The following SYNE2 variants were observed in gnomAD, a reference collection of about 807,000 sequenced individuals.
SYNE2 encodes the protein nesprin-2.
SYNE2 carries 431 observed loss-of-function variants against 856.3 expected under a neutral mutation model. The observed-to-expected ratio is 0.50, with a 90% CI of 0.47 to 0.55. The LOEUF (loss-of-function observed/expected upper bound fraction) is 0.55. Among genes scored for constraint, SYNE2 ranks in the 20% least tolerant of loss-of-function variants. SYNE2 has a pLI of 0.00. For synonymous variants in SYNE2, 2,923 were observed against 2,872.3 expected (o/e 1.02, Z -0.56); for missense variants, 8,129 against 8,023.2 (o/e 1.01, Z -0.50).
chr14:64,188,770 C>A, intron 98 of SYNE2, 62 bp downstream of exon 98: 1 of 1,563,100 alleles, frequency 6.4e-7, no homozygotes, highest in Admixed American at 1.7e-5. Flanking sequence ...GCCCTCCTCA[C>A]TCCTAAGCCC....
rs552466346 is a variant in SYNE2, at chr14:64,095,979, C to G, written c.12109-1970C>G. 2.0e-5 allele frequency among the ~76,000 whole-genome samples: 3 copies of G among 152,248 alleles called. No individual in the cohort carries two copies. The South Asian group carries it at 6.2e-4, about 32-fold the overall frequency. On this transcript the variant is annotated intron_variant, in intron 61 of 115. Coordinates refer to ENST00000555002, the MANE Select transcript of SYNE2 (RefSeq NM_182914.3). ...GAGTCCACCCATTTTTGCCCTTCTG[C>G]TTTGTGCCGTGTGAGAACACGACAA... is the stretch of plus-strand genomic sequence containing the variant.
chr14:64,140,310 G>A (rs1482774257), intron 80 of SYNE2, among the ~76,000 whole-genome samples: 3 of 152,226 alleles, frequency 2.0e-5, no homozygotes, highest in Admixed American at 6.5e-5. Flanking sequence ...TGCGCCAGGT[G>A]CAGTGGCTCA....
intron 1 of SYNE2, among the ~76,000 whole-genome samples, chr14:63,843,546 T>C (rs1890138059): frequency 6.6e-6 from 1 of 152,210 alleles, no homozygotes; most frequent in African/African-American, 2.4e-5. Context: ...GTGGAGATAG[T>C]GAGCATCCTT....
rs957583351 is a variant in SYNE2 at position 64,039,855 on chromosome 14, A to G, written c.7222-8145A>G. ...TCAAAGAGAGGCTGTTCATTGATAG[A>G]TACTCCAGAATAGACACGGGCCCTT... On this transcript the variant is annotated intron_variant, in intron 45 of 115. Transcript: ENST00000555002. 7.9e-5 allele frequency among the ~76,000 whole-genome samples: 12 copies of G among 152,308 alleles called. No homozygotes were observed. In the South Asian group the frequency reaches 8.3e-4, roughly 11 times the overall value.
chr14:64,041,217 A>G (rs535581765), intron 45 of SYNE2, among the ~76,000 whole-genome samples: 6 of 152,200 alleles, frequency 3.9e-5, no homozygotes, highest in Non-Finnish European at 8.8e-5. Flanking sequence ...AAGAGAAAAT[A>G]TTTAAATCTT....
At chr14:63,901,763 A>C (rs1193942290) in intron 1 of SYNE2, among the ~76,000 whole-genome samples, 1 of 152,202 alleles carries the variant, frequency 6.6e-6, no homozygotes, top group Non-Finnish European at 1.5e-5. Flanking sequence ...GCCTCTACAG[A>C]AAATTTAAAA....
intron 1 of SYNE2, among the ~76,000 whole-genome samples, chr14:63,872,883 A>G (rs1018920497): frequency 6.6e-6 from 1 of 151,842 alleles, no homozygotes; most frequent in Non-Finnish European, 1.5e-5. Context: ...CTTGGTATAT[A>G]TGTAACTCTG....
At position 63,887,655 on chromosome 14, in the gene SYNE2, G is replaced by T. The variant is rs151078119; in HGVS notation, c.-51-21443G>T. Among the ~76,000 whole-genome samples, 1,417 of 151,354 alleles carry T rather than the reference G, an allele frequency of 9.4e-3. 8 individuals are homozygous for T. The highest frequency in any genetic ancestry group is 0.013 in the Non-Finnish European group (910 of 67,860). Reference sequence around the variant, plus strand: ...TAACTTCTAGAGCAGCAAGGAACTGGTTTTTTTTCCCCCCCATTCCTAGTA... The same window carrying T: ...TAACTTCTAGAGCAGCAAGGAACTGTTTTTTTTTCCCCCCCATTCCTAGTA... On this transcript the variant is annotated intron_variant, in intron 1 of 115. Coordinates refer to ENST00000555002, the MANE Select transcript of SYNE2 (RefSeq NM_182914.3).
chr14:63,816,139 G>A (rs926970751), intron 1 of SYNE2, among the ~76,000 whole-genome samples: 21 of 151,852 alleles, frequency 1.4e-4, no homozygotes, highest in Admixed American at 2.6e-4. Context: ...AGTAGATACG[G>A]GGTTTCACCA....
chr14:64,129,897 T>A lies in SYNE2; in HGVS notation c.14135T>A (p.Leu4712Ter), dbSNP rs2097995731. 6.2e-7 allele frequency: 1 copy of A among 1,613,962 alleles called. No homozygotes were observed. Among genetic ancestry groups the A allele is most frequent in the Non-Finnish European group, 8.5e-7 (1 of 1,180,036 alleles). Residue 4712 changes from leucine (L) to a stop codon, truncating the protein, a stop_gained, in exon 75 of 116, where the codon TTA becomes TAA. Coordinates refer to ENST00000555002, the MANE Select transcript of SYNE2 (RefSeq NM_182914.3). LOFTEE classifies it high-confidence loss of function. ...PYALLQEVYK[L>*]EDVLDSMWGM... ...GCTTTACTCCAGGAGGTTTACAAAT[T>A]AGAGGTATGCCTGAGCAGAAAACAT...
At chr14:64,034,546 A>G in intron 45 of SYNE2, 1 of 532,454 alleles carries the variant, frequency 1.9e-6, no homozygotes, top group Non-Finnish European at 3.4e-6. Context: ...CATAGCATGT[A>G]TATATTTGAA....
chr14:64,128,108 G>A (rs900501830), intron 73 of SYNE2, among the ~76,000 whole-genome samples: 1 of 152,178 alleles, frequency 6.6e-6, no homozygotes, highest in African/African-American at 2.4e-5. Context: ...ATTATTGATG[G>A]CAGGGGAGGA....
chr14:63,979,105 TC>T (rs1419379174), intron 14 of SYNE2, 91 bp downstream of exon 14: 7 of 1,368,786 alleles, frequency 5.1e-6, no homozygotes, highest in Non-Finnish European at 7.2e-6. Context: ...CATTAACTCT[TC>T]GGGTTTTGAG....
chr14:64,125,271 C>G, intron 71 of SYNE2, 61 bp downstream of exon 71: 1 of 1,605,976 alleles, frequency 6.2e-7, no homozygotes, highest in Middle Eastern at 1.7e-4. Flanking sequence ...GAGATATCAT[C>G]ATTGTGACTT....
chr14:63,867,381 T>TAAA (rs561880955), intron 1 of SYNE2, among the ~76,000 whole-genome samples: 22 of 129,456 alleles, frequency 1.7e-4, no homozygotes, highest in South Asian at 8.5e-4. Flanking sequence ...TTCCTCCTCT[T>TAAA]AAAAAAAAAA....
In SYNE2 at chr14:63,964,011, T is replaced by C. The variant is rs139819213; in HGVS notation, c.990+11T>C. 9.5e-6 allele frequency: 14 copies of C among 1,470,686 alleles called. No individual in the cohort carries two copies. The African/African-American group carries it at 1.1e-4, about 12-fold the overall frequency. The allele number at this position is 1,470,686 out of a possible 1,614,324, so 91.1% of individuals were successfully genotyped here. A position where few individuals can be genotyped will look rare whatever the true frequency, so the allele number is the denominator to read the frequency against. ...TTTAAAAAGTATAATGTAAGTATGA[T>C]TTTAAACAGCTGTTTGTAATTTACC... On this transcript the variant is annotated intron_variant, in intron 10 of 115. Coordinates refer to ENST00000555002, the MANE Select transcript of SYNE2 (RefSeq NM_182914.3).
rs532096502 is a variant in SYNE2 at position 63,836,065 on chromosome 14, G to T, written c.-304-16436G>T. Among the ~76,000 whole-genome samples the T allele has an allele frequency of 3.3e-5, 5 of 151,826 alleles. No homozygotes were observed. In the East Asian group the frequency reaches 9.7e-4, roughly 29 times the overall value. ...ATTTCTAGTTCCTTTTGACAGGGTC[G>T]CACTGTGTCACTCAGGCTGGAGTGC... On this transcript the variant is annotated intron_variant, in intron 1 of 23. Coordinates refer to the SYNE2 transcript ENST00000674003.
At position 64,177,270 on chromosome 14, in the gene SYNE2, G is replaced by C; in HGVS notation, c.17431-88G>C. 2.0e-6 allele frequency: 3 copies of C among 1,521,004 alleles called. No individual in the cohort carries two copies. In the East Asian group the frequency reaches 6.9e-5, roughly 35 times the overall value. 94.2% of individuals were successfully genotyped at this position (1,521,004 alleles called of 1,614,324 possible). ...TTATTAAAAACAAACTTAATAGAAAGATTATGTGGATTAAATGAGCTATTC... is the reference window on the plus strand; with the variant it reads ...TTATTAAAAACAAACTTAATAGAAACATTATGTGGATTAAATGAGCTATTC... On this transcript the variant is annotated intron_variant, in intron 95 of 115. Transcript: ENST00000555002.
Position 64,219,358 on chromosome 14 carries a change from C to G in SYNE2, c.19808C>G (p.Ala6603Gly). 2 of 1,614,052 alleles carry G rather than the reference C, an allele frequency of 1.2e-6. No individual in the cohort carries two copies. The highest frequency in any genetic ancestry group is 1.7e-6 in the Non-Finnish European group (2 of 1,180,012). ...GCAGAGCTGGAAATGTTAAAGATGG[C>G]AAAGCCTCCCTCTGATATCCAGGAA... ...TEAELEMLKMAKPPSDIQEIE... is the reference protein window; with the variant it reads ...TEAELEMLKMGKPPSDIQEIE... Residue 6603 changes from alanine (A) to glycine (G), a missense_variant, in exon 110 of 116, where the codon GCA becomes GGA. Ala to Gly is a moderately conservative substitution (Grantham distance 60). This residue lies in a region of SYNE2 where 5,410 missense variants were observed against 5,284.8 expected (regional missense o/e 1.02). Transcript: ENST00000555002.
Sources: allele counts gnomAD v4.1 joint callset (sites outside exome capture counted in the v4.1 genomes callset), GRCh38; gene constraint gnomAD v4.1.1; regional missense constraint gnomAD v4.1.1; transcripts MANE v1.5; gene names NCBI Gene and HGNC (gene_info 2026-07-23, HGNC 2026-07-21).